Variants in RIMS2 observed in about 807,000 individuals in gnomAD.
The protein encoded by RIMS2 is regulating synaptic membrane exocytosis 2, also known as regulating synaptic membrane exocytosis protein 2.
Under a neutral mutation model 174.4 loss-of-function variants are expected in RIMS2, and 59 were observed. The ratio of observed to expected loss-of-function variants is 0.34; its 90% CI spans 0.27 to 0.42. RIMS2 has a LOEUF of 0.42. Among genes scored for constraint, RIMS2 ranks in the 10% least tolerant of loss-of-function variants. The pLI is 1.00. For synonymous variants in RIMS2, 606 were observed against 572.5 expected (o/e 1.06, Z -0.84); for missense variants, 1,620 against 1,666.3 (o/e 0.97, Z 0.48).
At chr8:103,890,383 C>A (rs770929091) in intron 4 of RIMS2, among the ~76,000 whole-genome samples, 1 of 151,966 alleles carries the variant, frequency 6.6e-6, no homozygotes, top group Non-Finnish European at 1.5e-5. Flanking sequence ...CTATAATTTG[C>A]AAGGTGTTGG....
chr8:104,124,557 A>G (rs1217129232), intron 19 of RIMS2, among the ~76,000 whole-genome samples: 1 of 152,182 alleles, frequency 6.6e-6, no homozygotes, highest in Non-Finnish European at 1.5e-5. Context: ...TGCCAAAAGT[A>G]TCTTATTAGA....
At chr8:103,625,881 T>C (rs1363943338) in intron 1 of RIMS2, among the ~76,000 whole-genome samples, 1 of 151,776 alleles carries the variant, frequency 6.6e-6, no homozygotes, top group African/African-American at 2.4e-5. Context: ...AATGTAGACA[T>C]ACATTTATTA....
intron 2 of RIMS2, among the ~76,000 whole-genome samples, chr8:103,731,103 A>ACC (rs1246892511): frequency 6.6e-6 from 1 of 152,050 alleles, no homozygotes; most frequent in Non-Finnish European, 1.5e-5. Flanking sequence ...CATGGGAAAG[A>ACC]CCCACCGCAT....
intron 12 of RIMS2, among the ~76,000 whole-genome samples, chr8:103,934,570 TC>T (rs1261250014): frequency 6.6e-6 from 1 of 152,210 alleles, no homozygotes; most frequent in Non-Finnish European, 1.5e-5. Context: ...GATTGTCTAT[TC>T]CTCTTCCTAT....
At chr8:104,026,744 G>A (rs2096266545) in intron 19 of RIMS2, among the ~76,000 whole-genome samples, 1 of 152,174 alleles carries the variant, frequency 6.6e-6, no homozygotes, top group South Asian at 2.1e-4. Flanking sequence ...GATTGCTTCT[G>A]CAGGCATTCT....
intron 1 of RIMS2, among the ~76,000 whole-genome samples, chr8:103,650,962 C>T (rs578230863): frequency 6.6e-6 from 1 of 152,334 alleles, no homozygotes; most frequent in South Asian, 2.1e-4. Context: ...CAGTCCCCTT[C>T]CTAGGGGTAT....
At chr8:104,254,256 C>T (rs2099365050), downstream of RIMS2, 2 of 151,606 alleles carry the variant, frequency 1.3e-5, no homozygotes, top group South Asian at 2.1e-4. Context: ...AGTCATGTAA[C>T]TAGCACTATG....
At chr8:104,121,177 A>G (rs527760418) in intron 19 of RIMS2, among the ~76,000 whole-genome samples, 25 of 152,218 alleles carry the variant, frequency 1.6e-4, no homozygotes, top group Admixed American at 1.6e-3. Flanking sequence ...TAATACAGTT[A>G]TAATCACTGC....
At chr8:104,113,247 A>G (rs911080429) in intron 19 of RIMS2, among the ~76,000 whole-genome samples, 8 of 152,156 alleles carry the variant, frequency 5.3e-5, no homozygotes, top group Non-Finnish European at 1.2e-4. Flanking sequence ...TGGCCTTGAC[A>G]TGAGAATTCT....
At chr8:103,935,293 C>T (rs1429502355) in intron 12 of RIMS2, among the ~76,000 whole-genome samples, 1 of 152,064 alleles carries the variant, frequency 6.6e-6, no homozygotes, top group Non-Finnish European at 1.5e-5. Flanking sequence ...CCAATGCCTT[C>T]GTGGTTAATA....
intron 19 of RIMS2, among the ~76,000 whole-genome samples, chr8:104,190,954 T>C (rs1469021066): frequency 6.6e-6 from 1 of 151,722 alleles, no homozygotes; most frequent in Non-Finnish European, 1.5e-5. Flanking sequence ...TTTTGTTTGC[T>C]TCAATCTCTT....
intron 1 of RIMS2, among the ~76,000 whole-genome samples, chr8:103,682,438 G>A (rs2096891439): frequency 6.6e-6 from 1 of 152,128 alleles, no homozygotes; most frequent in South Asian, 2.1e-4. Context: ...GTTCAGAACT[G>A]AAGTAATATG....
At chr8:104,165,718 T>C (rs1298844246) in intron 19 of RIMS2, among the ~76,000 whole-genome samples, 1 of 152,136 alleles carries the variant, frequency 6.6e-6, no homozygotes, top group Non-Finnish European at 1.5e-5. Flanking sequence ...CATTTAAATA[T>C]ACTAAGGTTA....
At chr8:103,704,191 T>G (rs1187021498) in intron 2 of RIMS2, among the ~76,000 whole-genome samples, 1 of 149,936 alleles carries the variant, frequency 6.7e-6, no homozygotes, top group African/African-American at 2.5e-5. Context: ...TTAAAAATCA[T>G]TATTAAATGC....
chr8:103,778,323 T>C (rs893025136), intron 3 of RIMS2, among the ~76,000 whole-genome samples: 3 of 152,094 alleles, frequency 2.0e-5, no homozygotes, highest in African/African-American at 7.2e-5. Context: ...TGTTAACTAG[T>C]ATCATCCTAC....
intron 2 of RIMS2, among the ~76,000 whole-genome samples, chr8:103,760,420 A>C (rs1170561733): frequency 6.6e-6 from 1 of 152,222 alleles, no homozygotes; most frequent in East Asian, 1.9e-4. Context: ...TTGCCTAAGG[A>C]ATCCTATTAG....
At chr8:103,599,365 T>G (rs1588630925) in intron 1 of RIMS2, among the ~76,000 whole-genome samples, 1 of 149,926 alleles carries the variant, frequency 6.7e-6, no homozygotes, top group East Asian at 1.9e-4. Flanking sequence ...CTAGTATGTT[T>G]GACTCCAGAG....
At chr8:103,792,202 A>T (rs1232922925) in intron 3 of RIMS2, among the ~76,000 whole-genome samples, 2 of 152,196 alleles carry the variant, frequency 1.3e-5, no homozygotes. Flanking sequence ...GTAAAACAAC[A>T]GAAATTATAA....
intron 1 of RIMS2, among the ~76,000 whole-genome samples, chr8:103,559,631 C>G (rs1396801558): frequency 6.6e-6 from 1 of 152,160 alleles, no homozygotes; most frequent in Admixed American, 6.5e-5. Flanking sequence ...GAATTCAAGT[C>G]TCATTATAAG....
Sources: allele counts gnomAD v4.1 joint callset (sites outside exome capture counted in the v4.1 genomes callset), GRCh38; gene constraint gnomAD v4.1.1; transcripts MANE v1.5; gene names NCBI Gene and HGNC (gene_info 2026-07-23, HGNC 2026-07-21).